ATP8A1: variants seen among roughly 807,000 people sequenced by gnomAD.
The protein encoded by ATP8A1 is phospholipid-transporting ATPase IA.
In ATP8A1, 90 loss-of-function variants were observed where a neutral mutation model predicts 177.7. The observed-to-expected ratio is 0.51, with a 90% confidence interval of 0.43 to 0.60. The LOEUF is 0.60. Among genes scored for constraint, ATP8A1 ranks in the 20% least tolerant of loss-of-function variants. The pLI is 0.00. For synonymous variants in ATP8A1, 493 were observed against 485.9 expected (o/e 1.01, Z -0.19); for missense variants, 1,072 against 1,392.8 (o/e 0.77, Z 3.67).
chr4:42,527,216 G>T (rs916678936), intron 20 of ATP8A1, among the ~76,000 whole-genome samples: 1 of 152,152 alleles, frequency 6.6e-6, no homozygotes, highest in Non-Finnish European at 1.5e-5. Context: ...TGAAATTGTG[G>T]AAAAACAGAC....
Position 42,620,447 on chromosome 4 carries a change from T to TA in ATP8A1, c.363+4088dup, listed in dbSNP as rs201168526. ...TATATTATGCCAAAAAGAGTTCTGTTAAAAAAAAACTTCTTGGATACAATT... is the reference window on the plus strand; with the variant it reads ...TATATTATGCCAAAAAGAGTTCTGTTAAAAAAAAAACTTCTTGGATACAATT... On this transcript the variant is annotated intron_variant, in intron 4 of 36. Coordinates refer to ENST00000381668, the MANE Select transcript of ATP8A1 (RefSeq NM_006095.2). Among the ~76,000 whole-genome samples, 665 of 151,822 alleles carry TA rather than the reference T, an allele frequency of 4.4e-3. 4 individuals are homozygous for TA. Among genetic ancestry groups the TA allele is most frequent in the African/African-American group, 0.015 (602 of 41,418 alleles).
intron 24 of ATP8A1, among the ~76,000 whole-genome samples, chr4:42,487,388 T>C (rs535274266): frequency 6.6e-6 from 1 of 152,132 alleles, no homozygotes; most frequent in Admixed American, 6.6e-5. Flanking sequence ...GGAGCCAATT[T>C]CCTATTTCAC....
chr4:42,603,943 T>C (rs77603034), intron 5 of ATP8A1, among the ~76,000 whole-genome samples: 10,404 of 152,306 alleles, frequency 0.068, 523 homozygotes, highest in Non-Finnish European at 0.11. Context: ...AACTCTTCAG[T>C]TGGCTTCCCT....
chr4:42,527,119 T>C (rs1012060586), intron 20 of ATP8A1, among the ~76,000 whole-genome samples: 3 of 152,226 alleles, frequency 2.0e-5, no homozygotes, highest in African/African-American at 7.2e-5. Flanking sequence ...TCAGGGATTC[T>C]ATCTCCTGGC....
intron 9 of ATP8A1, among the ~76,000 whole-genome samples, chr4:42,585,542 C>T (rs1488309047): frequency 6.7e-6 from 1 of 148,158 alleles, no homozygotes; most frequent in Non-Finnish European, 1.5e-5. Flanking sequence ...CTATGAGAAA[C>T]AGGCCCCAGC....
In ATP8A1 at chr4:42,445,377, G is replaced by A. The variant is rs566154063; in HGVS notation, c.2959-743C>T. ...ACTCCTATACTTGTAAACTGGGACT[G>A]ATAAAGCTTACCAATCTTACAGAGA... On this transcript the variant is annotated intron_variant, in intron 31 of 36. Coordinates refer to ENST00000381668, the MANE Select transcript of ATP8A1 (RefSeq NM_006095.2). 1.3e-4 allele frequency among the ~76,000 whole-genome samples: 20 copies of A among 152,210 alleles called. No homozygotes were observed. The South Asian group carries it at 4.2e-3, about 32-fold the overall frequency.
At chr4:42,562,387 C>T (rs7699458) in intron 15 of ATP8A1, 38,725 of 153,366 alleles carry the variant, frequency 0.25, 5,244 homozygotes, top group Non-Finnish European at 0.31. Flanking sequence ...ACCTTAGAGG[C>T]TCTCCTGGGG....
chr4:42,429,712 T>C (rs1715047870), intron 33 of ATP8A1, among the ~76,000 whole-genome samples: 1 of 152,204 alleles, frequency 6.6e-6, no homozygotes, highest in African/African-American at 2.4e-5. Flanking sequence ...CTGTTCACTA[T>C]AGCCAAAGGG....
At chr4:42,566,282 G>T (rs1324292816) in intron 15 of ATP8A1, among the ~76,000 whole-genome samples, 1 of 152,082 alleles carries the variant, frequency 6.6e-6, no homozygotes, top group Non-Finnish European at 1.5e-5. Flanking sequence ...TAAGCTCATG[G>T]GTTTTATACA....
intron 27 of ATP8A1, among the ~76,000 whole-genome samples, chr4:42,456,680 A>G (rs1046367577): frequency 1.3e-5 from 2 of 152,208 alleles, no homozygotes; most frequent in African/African-American, 2.4e-5. Flanking sequence ...GATCTGGGAG[A>G]GTACAAAGGC....
chr4:42,507,083 C>A lies in ATP8A1; in HGVS notation c.2019G>T (p.Thr673=). 2 of 1,613,956 alleles carry A rather than the reference C, an allele frequency of 1.2e-6. No homozygotes were observed. Among genetic ancestry groups the A allele is most frequent in the Non-Finnish European group, 1.7e-6 (2 of 1,179,898 alleles). ...LQDQVPETIE[T]LMKADIKIWI... ...AGATTTTGATGTCTGCTTTCATTAG[C>A]GTTTCTATGGTTTCAGGCACTTGAT... The change falls in exon 23 of 37, where the codon ACG becomes ACT. Residue 673 remains threonine, a synonymous_variant. Transcript: ENST00000381668.
intron 12 of ATP8A1, among the ~76,000 whole-genome samples, 197 bp downstream of exon 12, chr4:42,578,063 C>G (rs530461385): frequency 6.6e-6 from 1 of 152,252 alleles, no homozygotes; most frequent in East Asian, 1.9e-4. Flanking sequence ...ACTAGAGACC[C>G]ATTTTCCCTA....
At chr4:42,595,541 A>G (rs1198515680) in intron 6 of ATP8A1, among the ~76,000 whole-genome samples, 1 of 152,228 alleles carries the variant, frequency 6.6e-6, no homozygotes, top group Middle Eastern at 3.2e-3. Flanking sequence ...AAAAAAGGGC[A>G]AAGAGGAAAA....
chr4:42,439,174 C>T (rs1410544353), intron 33 of ATP8A1, among the ~76,000 whole-genome samples: 5 of 152,088 alleles, frequency 3.3e-5, no homozygotes, highest in African/African-American at 1.2e-4. Flanking sequence ...AGCAAAATAT[C>T]TGTGCCCTTT....
intron 24 of ATP8A1, among the ~76,000 whole-genome samples, chr4:42,488,410 A>G (rs1244138070): frequency 6.6e-6 from 1 of 151,878 alleles, no homozygotes; most frequent in Non-Finnish European, 1.5e-5. Flanking sequence ...AAAAAAAAAC[A>G]ACAAACCAAA....
At chr4:42,496,086 G>A (rs1301239578) in intron 24 of ATP8A1, among the ~76,000 whole-genome samples, 1 of 152,162 alleles carries the variant, frequency 6.6e-6, no homozygotes, top group Non-Finnish European at 1.5e-5. Flanking sequence ...AGAGGTTTGA[G>A]ATTTGGGATT....
intron 20 of ATP8A1, among the ~76,000 whole-genome samples, chr4:42,535,314 C>CTTATACTTATTCTTA (rs1442373858): frequency 6.6e-6 from 1 of 152,018 alleles, no homozygotes; most frequent in Admixed American, 6.5e-5. Flanking sequence ...GCAGGAGTAG[C>CTTATACTTATTCTTA]TATTCTTATA....
At chr4:42,465,755 G>A (rs143016911) in intron 25 of ATP8A1, among the ~76,000 whole-genome samples, 58 of 152,224 alleles carry the variant, frequency 3.8e-4, no homozygotes, top group African/African-American at 1.2e-3. Flanking sequence ...AGGACTGGCC[G>A]GGTGAGGTGG....
At chr4:42,456,329 T>A (rs1718481621) in intron 27 of ATP8A1, among the ~76,000 whole-genome samples, 1 of 152,080 alleles carries the variant, frequency 6.6e-6, no homozygotes, top group Admixed American at 6.6e-5. Context: ...ATTCTTAAGG[T>A]GGAATAGGTC....
Sources: gnomAD v4.1 joint callset for allele counts (sites outside exome capture counted in the v4.1 genomes callset) on GRCh38, gnomAD v4.1.1 for gene constraint, MANE v1.5 for transcripts, NCBI Gene and HGNC (gene_info 2026-07-23, HGNC 2026-07-21) for gene names.